Variants in LIPG observed in about 807,000 individuals in gnomAD.
LIPG encodes the protein lipase G, endothelial type.
LIPG carries 34 observed loss-of-function variants against 51.8 expected under a neutral mutation model. The observed-to-expected ratio is 0.66, with a 90% CI of 0.50 to 0.87. The LOEUF (loss-of-function observed/expected upper bound fraction) is 0.87, where lower values mean the gene tolerates loss of function less well. Among genes scored for constraint, LIPG ranks in the 40% least tolerant of loss-of-function variants. LIPG has a pLI of 0.00. For synonymous variants in LIPG, 246 were observed against 246.1 expected, an observed-to-expected ratio of 1.00 and a Z score of 0.00; for missense variants, 580 against 652.7, an observed-to-expected ratio of 0.89 and a Z score of 1.21.
At chr18:49,571,617 G>A (rs764347246) in intron 4 of LIPG, among the ~76,000 whole-genome samples, 9 of 152,194 alleles carry the variant, frequency 5.9e-5, no homozygotes, top group Non-Finnish European at 1.0e-4. Context: ...ACGCTGTTGT[G>A]TATGTCTGAT....
chr18:49,563,075 C>T (rs1352519951), intron 1 of LIPG, among the ~76,000 whole-genome samples: 1 of 152,176 alleles, frequency 6.6e-6, no homozygotes, highest in Non-Finnish European at 1.5e-5. Flanking sequence ...AGGCAGCTTG[C>T]CCTGGGGGAG....
At position 49,575,512 on chromosome 18, in the gene LIPG, A is replaced by G. The variant is rs1406831527; in HGVS notation, c.715A>G (p.Ile239Val). The change falls in exon 5 of 10, where the codon ATT becomes GTT. Residue 239 changes from isoleucine (I) to valine (V), a missense_variant. By Grantham distance (29) the Ile-to-Val change is conservative (BLOSUM62 3). Coordinates refer to ENST00000261292, the MANE Select transcript of LIPG (RefSeq NM_006033.4). ...SIGIQMPVGH[I>V]DIYPNGGDFQ... Reference sequence around the variant, plus strand: ...TGGTATTCAGATGCCTGTGGGCCACATTGACATCTACCCCAATGGGGGTGA... The same window carrying G: ...TGGTATTCAGATGCCTGTGGGCCACGTTGACATCTACCCCAATGGGGGTGA... 6.2e-7 allele frequency: 1 copy of G among 1,614,084 alleles called. No individual in the cohort carries two copies. Among genetic ancestry groups the G allele is most frequent in the Non-Finnish European group, 8.5e-7 (1 of 1,180,052 alleles).
At chr18:49,590,386 C>T (rs1204549932) in intron 9 of LIPG, 115 bp from the exon 10 acceptor site, 2 of 1,066,708 alleles carry the variant, frequency 1.9e-6, no homozygotes, top group Non-Finnish European at 2.8e-6. Flanking sequence ...AAAATAGTCC[C>T]ATAGGGGTGT....
chr18:49,578,249 G>C (rs1053571712), intron 5 of LIPG, among the ~76,000 whole-genome samples: 6 of 145,564 alleles, frequency 4.1e-5, no homozygotes, highest in Admixed American at 1.3e-4. Flanking sequence ...GGGCGGAGGG[G>C]CTCCTCACTT....
At chr18:49,561,842 G>T, upstream of LIPG, 1 of 1,253,826 alleles carries the variant, frequency 8.0e-7, no homozygotes, top group Non-Finnish European at 1.0e-6. Flanking sequence ...GCAGCTGCCT[G>T]CGGAGCGGGC....
chr18:49,570,181 T>C (rs1174531746), intron 4 of LIPG, among the ~76,000 whole-genome samples: 1 of 152,242 alleles, frequency 6.6e-6, no homozygotes, highest in Non-Finnish European at 1.5e-5. Flanking sequence ...TTCAACTTTG[T>C]AATAAAAGGA....
rs1465677517 is a variant in LIPG at position 49,595,770 on chromosome 18, G to C, written c.*5248G>C. On this transcript the variant is annotated 3_prime_UTR_variant, in exon 10 of 10. Transcript: ENST00000261292. ...TCGAACCTGGGAGATGGAGTTTGCA[G>C]TGAGCTGAGATCACGCCACTGCACT... 1 of 152,244 alleles carries C rather than the reference G, an allele frequency of 6.6e-6. No homozygotes were observed. The highest frequency in any genetic ancestry group is 1.5e-5 in the Non-Finnish European group (1 of 68,066). The allele number at this position is 152,244 out of a possible 1,614,324, so 9.4% of individuals were successfully genotyped here.
At position 49,586,836 on chromosome 18, in the gene LIPG, G is replaced by C. The variant is rs1385623905; in HGVS notation, c.1467G>C (p.Met489Ile). 1 of 1,613,826 alleles carries C rather than the reference G, an allele frequency of 6.2e-7. No homozygotes were observed. The highest frequency in any genetic ancestry group is 8.5e-7 in the Non-Finnish European group (1 of 1,179,706). Reference sequence around the variant, plus strand: ...GCAAGTGTCGGGATGGCTGGAGGATGAAAAACGAAACCAGGTAACCAGGAC... The same window carrying C: ...GCAAGTGTCGGGATGGCTGGAGGATCAAAAACGAAACCAGGTAACCAGGAC... ...WFRKCRDGWR[M>I]KNETSPTVEL... is the part of the protein sequence containing the mutation. The change falls in exon 9 of 10, where the codon ATG becomes ATC. Residue 489 changes from methionine (M) to isoleucine (I), a missense_variant. Physicochemically the swap from Met to Ile is conservative, Grantham distance 10 (BLOSUM62 1). Transcript: ENST00000261292.
intron 1 of LIPG, among the ~76,000 whole-genome samples, chr18:49,563,480 G>A (rs2084572084): frequency 6.6e-6 from 1 of 152,032 alleles, no homozygotes; most frequent in South Asian, 2.1e-4. Context: ...CTGGGAGCAG[G>A]GGAGAGAGCA....
Position 49,581,480 on chromosome 18 carries a change from A to G in LIPG, c.859A>G (p.Asn287Asp). The change falls in exon 6 of 10, where the codon AAT (asparagine) becomes GAT (aspartate). Residue 287 changes from asparagine (N) to aspartate (D), a missense_variant. Physicochemically the swap from Asn to Asp is conservative, Grantham distance 23. Coordinates refer to ENST00000261292, the MANE Select transcript of LIPG (RefSeq NM_006033.4). ...AVHLFVDSLV[N>D]QDKPSFAFQC... Reference sequence around the variant, plus strand: ...CCACCTCTTTGTTGACTCTCTGGTGAATCAGGACAAGCCGAGTTTTGCCTT... The same window carrying G: ...CCACCTCTTTGTTGACTCTCTGGTGGATCAGGACAAGCCGAGTTTTGCCTT... 1.2e-6 allele frequency: 2 copies of G among 1,614,226 alleles called. No homozygotes were observed. The highest frequency in any genetic ancestry group is 1.7e-6 in the Non-Finnish European group (2 of 1,180,038).
chr18:49,587,277 A>G (rs1222318860), intron 9 of LIPG, among the ~76,000 whole-genome samples: 2 of 146,492 alleles, frequency 1.4e-5, no homozygotes, highest in Non-Finnish European at 3.0e-5. Flanking sequence ...TCTGTCTCAA[A>G]AAGAAAGAAA....
intron 8 of LIPG, among the ~76,000 whole-genome samples, chr18:49,583,984 C>T (rs1241334216): frequency 1.3e-5 from 2 of 152,180 alleles, no homozygotes; most frequent in African/African-American, 2.4e-5. Flanking sequence ...CATGGGCCCT[C>T]AGGGAGACGG....
chr18:49,583,869 A>G (rs2084853920), intron 8 of LIPG, 95 bp downstream of exon 8: 7 of 1,117,564 alleles, frequency 6.3e-6, no homozygotes, highest in Admixed American at 2.2e-5. Context: ...TCTACCCTCA[A>G]TCCTTCCCTC....
At chr18:49,574,370 G>A (rs181214178) in intron 4 of LIPG, among the ~76,000 whole-genome samples, 7 of 152,262 alleles carry the variant, frequency 4.6e-5, no homozygotes, top group Admixed American at 1.3e-4. Context: ...AGGATCATCC[G>A]GGGAATAAAT....
Position 49,562,141 on chromosome 18 carries a change from C to A in LIPG, c.-168C>A. The stretch of plus-strand genomic sequence containing the variant: ...GCCGTTGACACTCGCTCCCTGCCAC[C>A]GCCCGGGCTCCGTGCCGCCAAGTTT... On this transcript the variant is annotated 5_prime_UTR_variant, in exon 1 of 10. Coordinates refer to ENST00000261292, the MANE Select transcript of LIPG (RefSeq NM_006033.4). 1.4e-6 allele frequency: 2 copies of A among 1,466,780 alleles called. No homozygotes were observed. The highest frequency in any genetic ancestry group is 9.0e-7 in the Non-Finnish European group (1 of 1,115,682). The allele number at this position is 1,466,780 out of a possible 1,614,324, so 90.9% of individuals were successfully genotyped here.
chr18:49,564,868 T>C (rs1442936123), intron 1 of LIPG, among the ~76,000 whole-genome samples: 1 of 152,210 alleles, frequency 6.6e-6, no homozygotes, highest in African/African-American at 2.4e-5. Context: ...CCAGGGGGAA[T>C]AGCCCAGGCC....
At chr18:49,575,942 G>A (rs977775038) in intron 5 of LIPG, among the ~76,000 whole-genome samples, 3 of 151,242 alleles carry the variant, frequency 2.0e-5, no homozygotes, top group Non-Finnish European at 4.4e-5. Context: ...TGGTTCAAGC[G>A]ATTCTCCTGA....
At chr18:49,561,499 C>A (rs2084548996), upstream of LIPG, 2 of 415,026 alleles carry the variant, frequency 4.8e-6, no homozygotes, top group Admixed American at 4.4e-5. Context: ...CAGCTCACAG[C>A]CCCTTAGCTC....
chr18:49,590,345 C>T (rs1002635463), intron 9 of LIPG, 156 bp from the exon 10 acceptor site: 2 of 829,720 alleles, frequency 2.4e-6, no homozygotes, highest in Non-Finnish European at 4.0e-6. Context: ...CACTCGGGAC[C>T]TTGTCCATTT....
Sources: gnomAD v4.1 joint callset for allele counts (sites outside exome capture counted in the v4.1 genomes callset) on GRCh38, gnomAD v4.1.1 for gene constraint, MANE v1.5 for transcripts, NCBI Gene and HGNC (gene_info 2026-07-23, HGNC 2026-07-21) for gene names.